The following CNNM1 variants were observed in gnomAD, a reference collection of about 807,000 sequenced individuals.
The protein encoded by CNNM1 is metal transporter CNNM1.
Under a neutral mutation model 78.8 loss-of-function variants are expected in CNNM1, and 44 were observed. The observed-to-expected ratio is 0.56, with a 90% CI of 0.44 to 0.72. CNNM1 has a LOEUF of 0.72. Ranked by LOEUF, CNNM1 falls within the 30% of genes least tolerant of loss-of-function variation. The pLI is 0.00. For synonymous variants in CNNM1, 584 were observed against 581.5 expected (o/e 1.00, Z -0.06); for missense variants, 1,101 against 1,292.2 (o/e 0.85, Z 2.27).
At chr10:99,378,948 CT>C (rs1322550599) in intron 7 of CNNM1, among the ~76,000 whole-genome samples, 1 of 152,188 alleles carries the variant, frequency 6.6e-6, no homozygotes, top group African/African-American at 2.4e-5. Context: ...ACTGCGGACA[CT>C]TAAGTCTAAT....
At chr10:99,331,978 T>A (rs1432915424) in intron 1 of CNNM1, among the ~76,000 whole-genome samples, 1 of 152,192 alleles carries the variant, frequency 6.6e-6, no homozygotes, top group African/African-American at 2.4e-5. Context: ...CATGTCTGAG[T>A]TTGTCTTCAG....
intron 5 of CNNM1, among the ~76,000 whole-genome samples, 154 bp downstream of exon 5, chr10:99,364,670 G>T (rs2031553516): frequency 6.6e-6 from 1 of 151,948 alleles, no homozygotes; most frequent in Admixed American, 6.6e-5. Flanking sequence ...TGCAAAATGG[G>T]TGTATGAATC....
At chr10:99,373,229 A>G (rs557037406) in intron 6 of CNNM1, among the ~76,000 whole-genome samples, 43 of 152,322 alleles carry the variant, frequency 2.8e-4, no homozygotes, top group African/African-American at 9.6e-4. Context: ...ATGTGGAACA[A>G]CTGGTGTAGG....
At chr10:99,368,290 G>C in intron 6 of CNNM1, 1 of 253,630 alleles carries the variant, frequency 3.9e-6, no homozygotes, top group Non-Finnish European at 7.9e-6. Context: ...ATGTTTGCTG[G>C]CTCAAAATGG....
intron 1 of CNNM1, among the ~76,000 whole-genome samples, chr10:99,348,460 A>G (rs984515267): frequency 6.6e-6 from 1 of 152,254 alleles, no homozygotes; most frequent in East Asian, 1.9e-4. Context: ...CTGCATTTCA[A>G]GTGCCTAGAA....
At chr10:99,341,113 G>T (rs992263379) in intron 1 of CNNM1, among the ~76,000 whole-genome samples, 3 of 152,178 alleles carry the variant, frequency 2.0e-5, no homozygotes, top group Admixed American at 6.5e-5. Context: ...GGTCTTATAG[G>T]TAAAGAGACT....
In CNNM1 at chr10:99,377,047, A is replaced by G. The variant is rs1457139349; in HGVS notation, c.2177-8A>G. 2.0e-6 allele frequency: 3 copies of G among 1,499,640 alleles called. No individual in the cohort carries two copies. Among genetic ancestry groups the G allele is most frequent in the Non-Finnish European group, 2.7e-6 (3 of 1,118,214 alleles). The allele number at this position is 1,499,640 out of a possible 1,614,324, so 92.9% of individuals were successfully genotyped here. A position where few individuals can be genotyped will look rare whatever the true frequency, so the allele number is the denominator to read the frequency against. On this transcript the variant is annotated splice_region_variant and splice_polypyrimidine_tract_variant and intron_variant, in intron 6 of 10. Coordinates refer to ENST00000356713, the MANE Select transcript of CNNM1 (RefSeq NM_020348.3). ...CCTTGTCTTTTCTCCATCTCTCACC[A>G]TCTGCAGTAAACCGGTCCCCTTCTC...
chr10:99,343,235 T>C (rs937882534), intron 1 of CNNM1, among the ~76,000 whole-genome samples: 1 of 152,096 alleles, frequency 6.6e-6, no homozygotes, highest in African/African-American at 2.4e-5. Context: ...AGTGCTGGGA[T>C]TACAGGCATG....
chr10:99,351,073 C>A (rs2030928252), intron 1 of CNNM1, among the ~76,000 whole-genome samples: 1 of 152,226 alleles, frequency 6.6e-6, no homozygotes, highest in South Asian at 2.1e-4. Flanking sequence ...TCTAAGAAAT[C>A]TGACTTGTAG....
chr10:99,377,320 C>CCATT, intron 7 of CNNM1, 102 bp downstream of exon 7: 2 of 1,125,858 alleles, frequency 1.8e-6, no homozygotes, highest in South Asian at 3.0e-5. Context: ...GATGTGTGCA[C>CCATT]CATTCCCCTG....
In CNNM1 at chr10:99,346,232, A is replaced by G. The variant is rs573703532; in HGVS notation, c.1574-11280A>G. ...AGTGTACAAGATGTATTAGGGCTAG[A>G]AAAACCAAAAGGATGAATGGTTAGG... On this transcript the variant is annotated intron_variant, in intron 1 of 10. Transcript: ENST00000356713. Among the ~76,000 whole-genome samples, 135 of 152,336 alleles carry G rather than the reference A, an allele frequency of 8.9e-4. No individual in the cohort carries two copies. In the Middle Eastern group the frequency reaches 0.01, roughly 12 times the overall value.
In CNNM1 at chr10:99,391,607, C is replaced by T; in HGVS notation, c.*91C>T. The T allele has an allele frequency of 9.6e-7, 1 of 1,041,794 alleles. No individual in the cohort carries two copies. The highest frequency in any genetic ancestry group is 2.5e-5 in the East Asian group (1 of 40,610). The allele number at this position is 1,041,794 out of a possible 1,614,324, so 64.5% of individuals were successfully genotyped here. The stretch of plus-strand genomic sequence containing the variant: ...CATCATCTGCTTCCCCCAAGGCCTC[C>T]CACAGGTGACAGAATGTTCTGCCTT... On this transcript the variant is annotated 3_prime_UTR_variant, in exon 11 of 11. Coordinates refer to ENST00000356713, the MANE Select transcript of CNNM1 (RefSeq NM_020348.3).
chr10:99,362,499 G>C, intron 4 of CNNM1, 103 bp downstream of exon 4: 2 of 1,251,134 alleles, frequency 1.6e-6, no homozygotes, highest in Non-Finnish European at 2.2e-6. Context: ...GACTTGGCTG[G>C]CTGCCTCAGC....
In CNNM1 at chr10:99,362,387, G is replaced by A. The variant is rs754586698; in HGVS notation, c.2019G>A (p.Leu673=). 7.5e-6 allele frequency: 12 copies of A among 1,610,442 alleles called. No homozygotes were observed. In the East Asian group the frequency reaches 2.5e-4, roughly 33 times the overall value. Residue 673 remains leucine, a synonymous_variant, in exon 4 of 11, where the codon CTG becomes CTA. Transcript: ENST00000356713. ...ACCGCCCTGTGGACTACTTTGTGCT[G>A]CTTCTACAGGTGAGTAGGAAAGTCA... ...QRNRPVDYFV[L]LLQGKVEVEV...
At chr10:99,357,931 C>T (rs143318737) in intron 2 of CNNM1, among the ~76,000 whole-genome samples, 91 of 152,238 alleles carry the variant, frequency 6.0e-4, no homozygotes, top group African/African-American at 2.0e-3. Flanking sequence ...TGGATAGAAA[C>T]GGGACTACAG....
chr10:99,354,467 A>C (rs2031060756), intron 1 of CNNM1, among the ~76,000 whole-genome samples: 1 of 152,216 alleles, frequency 6.6e-6, no homozygotes, highest in Non-Finnish European at 1.5e-5. Flanking sequence ...TTCATCAGGC[A>C]CTGATTGGCT....
chr10:99,380,999 G>GCTGC (rs1271505047), intron 7 of CNNM1, among the ~76,000 whole-genome samples: 1 of 152,164 alleles, frequency 6.6e-6, no homozygotes, highest in African/African-American at 2.4e-5. Flanking sequence ...AGAAGACTTT[G>GCTGC]CTGCAATCAG....
chr10:99,344,849 C>A (rs2030617451), intron 1 of CNNM1, among the ~76,000 whole-genome samples: 1 of 152,208 alleles, frequency 6.6e-6, no homozygotes, highest in Non-Finnish European at 1.5e-5. Context: ...AATTGTGACT[C>A]CTTTCCCCTT....
intron 1 of CNNM1, among the ~76,000 whole-genome samples, chr10:99,347,317 A>T (rs2030737115): frequency 6.6e-6 from 1 of 151,774 alleles, no homozygotes; most frequent in Non-Finnish European, 1.5e-5. Context: ...TCAGGAGTTC[A>T]AAACTAACCT....
Sources: allele counts gnomAD v4.1 joint callset (sites outside exome capture counted in the v4.1 genomes callset), GRCh38; gene constraint gnomAD v4.1.1; transcripts MANE v1.5; gene names NCBI Gene and HGNC (gene_info 2026-07-23, HGNC 2026-07-21).